CACNA2D3: variants seen among roughly 807,000 people sequenced by gnomAD.
The protein encoded by CACNA2D3 is calcium voltage-gated channel auxiliary subunit alpha2delta 3, also known as voltage-dependent calcium channel subunit alpha-2/delta-3.
CACNA2D3 carries 60 observed loss-of-function variants against 160.6 expected under a neutral mutation model. The observed-to-expected ratio is 0.37, with a 90% CI of 0.30 to 0.46. The LOEUF (loss-of-function observed/expected upper bound fraction) is 0.46, where lower values mean the gene tolerates loss of function less well. Ranked by LOEUF, CACNA2D3 falls within the 20% of genes least tolerant of loss-of-function variation. The pLI, the probability that CACNA2D3 is intolerant of heterozygous loss-of-function variation, is 1.00. For missense variants in CACNA2D3, 1,205 were observed against 1,365.0 expected, an observed-to-expected ratio of 0.88 and a Z score of 1.85; for synonymous variants, 558 against 492.9, an observed-to-expected ratio of 1.13 and a Z score of -1.75.
chr3:54,978,810 C>T lies in CACNA2D3; in HGVS notation c.2557-5798C>T, dbSNP rs560782437. Among the ~76,000 whole-genome samples the T allele has an allele frequency of 4.6e-3, 697 of 149,942 alleles. 4 individuals are homozygous for T. Among genetic ancestry groups the T allele is most frequent in the Non-Finnish European group, 7.9e-3 (531 of 67,512 alleles). ...TCACTGGTTGGTTCACAGGAATAAA[C>T]AGGGTTGGCCTAAATTACAGAAAAA... On this transcript the variant is annotated intron_variant, in intron 29 of 37. Coordinates refer to ENST00000474759, the MANE Select transcript of CACNA2D3 (RefSeq NM_018398.3).
At chr3:54,842,419 TA>T (rs1698838541) in intron 16 of CACNA2D3, among the ~76,000 whole-genome samples, 1 of 152,140 alleles carries the variant, frequency 6.6e-6, no homozygotes, top group African/African-American at 2.4e-5. Flanking sequence ...GGCAAATGTC[TA>T]AAATACACAA....
intron 2 of CACNA2D3, among the ~76,000 whole-genome samples, chr3:54,181,023 C>T (rs1402626149): frequency 6.6e-6 from 1 of 152,082 alleles, no homozygotes; most frequent in Non-Finnish European, 1.5e-5. Context: ...GGGTTCCTGC[C>T]CCCCACCATA....
chr3:54,626,707 A>AAAG, intron 9 of CACNA2D3: 7 of 703,738 alleles, frequency 9.9e-6, no homozygotes, highest in East Asian at 5.5e-5. Context: ...AAAAAAAAAA[A>AAAG]AAGAAAGAAA....
At chr3:54,833,008 T>C (rs139113817) in intron 14 of CACNA2D3, among the ~76,000 whole-genome samples, 1 of 152,172 alleles carries the variant, frequency 6.6e-6, no homozygotes, top group Non-Finnish European at 1.5e-5. Context: ...TATTAAGGAG[T>C]AGGCCTGGCA....
intron 5 of CACNA2D3, among the ~76,000 whole-genome samples, chr3:54,555,588 A>T (rs2106693797): frequency 6.6e-6 from 1 of 152,316 alleles, no homozygotes; most frequent in East Asian, 1.9e-4. Flanking sequence ...ACAAATTGTA[A>T]ATTTATCACA....
chr3:54,652,825 C>T (rs1399428343), intron 11 of CACNA2D3, among the ~76,000 whole-genome samples: 7 of 148,574 alleles, frequency 4.7e-5, no homozygotes, highest in African/African-American at 1.2e-4. Flanking sequence ...CTGTGTCACC[C>T]GGGCTGGAGT....
intron 5 of CACNA2D3, among the ~76,000 whole-genome samples, chr3:54,538,729 G>A (rs760163888): frequency 1.3e-5 from 2 of 152,108 alleles, no homozygotes; most frequent in Non-Finnish European, 2.9e-5. Flanking sequence ...GCAAAGATGC[G>A]GAGAATTATG....
intron 14 of CACNA2D3, among the ~76,000 whole-genome samples, chr3:54,834,971 GA>G (rs1698641986): frequency 6.6e-6 from 1 of 152,210 alleles, no homozygotes; most frequent in Non-Finnish European, 1.5e-5. Flanking sequence ...ACATTATGGA[GA>G]ATAATCTGCT....
intron 11 of CACNA2D3, among the ~76,000 whole-genome samples, chr3:54,690,307 A>G (rs1014770210): frequency 6.6e-6 from 1 of 152,114 alleles, no homozygotes; most frequent in African/African-American, 2.4e-5. Context: ...TTCCCATAGT[A>G]ATTTTCCTTA....
intron 18 of CACNA2D3, 66 bp from the exon 19 acceptor site, chr3:54,878,952 T>C: frequency 2.0e-6 from 2 of 984,502 alleles, no homozygotes; most frequent in Admixed American, 2.6e-5. Flanking sequence ...ACGCTGAGGA[T>C]GCAAGATGTC....
At chr3:54,319,209 C>T (rs1050692097) in intron 2 of CACNA2D3, among the ~76,000 whole-genome samples, 14 of 149,380 alleles carry the variant, frequency 9.4e-5, no homozygotes, top group African/African-American at 1.5e-4. Context: ...CACCCTTCCT[C>T]GAGTCAAGGA....
chr3:54,431,290 T>C (rs995179479), intron 4 of CACNA2D3, among the ~76,000 whole-genome samples: 8 of 151,072 alleles, frequency 5.3e-5, no homozygotes, highest in African/African-American at 1.9e-4. Context: ...TGAGCTGAGA[T>C]TGTGTACAGC....
chr3:54,775,494 A>AG (rs1332127182), intron 13 of CACNA2D3, among the ~76,000 whole-genome samples: 1 of 152,244 alleles, frequency 6.6e-6, no homozygotes, highest in African/African-American at 2.4e-5. Context: ...TGCACTGCAG[A>AG]GCCTAGGTAG....
chr3:54,797,503 A>G (rs1355285037), intron 13 of CACNA2D3, among the ~76,000 whole-genome samples: 2 of 152,196 alleles, frequency 1.3e-5, no homozygotes, highest in Non-Finnish European at 2.9e-5. Context: ...ATCTGAGGAC[A>G]GCATTTAAAG....
intron 11 of CACNA2D3, among the ~76,000 whole-genome samples, chr3:54,690,986 T>C (rs1700560171): frequency 6.6e-6 from 1 of 152,164 alleles, no homozygotes; most frequent in South Asian, 2.1e-4. Context: ...GGCCTACAAA[T>C]GGCAAGGAAG....
At chr3:54,201,654 A>C (rs997717461) in intron 2 of CACNA2D3, among the ~76,000 whole-genome samples, 1 of 152,252 alleles carries the variant, frequency 6.6e-6, no homozygotes, top group Non-Finnish European at 1.5e-5. Flanking sequence ...TTAAGAAAAT[A>C]AATGTAAGGA....
At chr3:54,831,754 A>G (rs990078086) in intron 14 of CACNA2D3, among the ~76,000 whole-genome samples, 1 of 152,084 alleles carries the variant, frequency 6.6e-6, no homozygotes, top group Admixed American at 6.5e-5. Flanking sequence ...TGGATTGTAC[A>G]TGGCACTTGG....
chr3:54,394,664 T>G (rs536120990), intron 4 of CACNA2D3, among the ~76,000 whole-genome samples: 5 of 116,050 alleles, frequency 4.3e-5, no homozygotes, highest in African/African-American at 1.4e-4. Flanking sequence ...TATGGCTGTA[T>G]AGTATTCCAT....
chr3:55,051,315 T>G lies in CACNA2D3; in HGVS notation c.2988-22130T>G, dbSNP rs576793264. ...TGTCCTTTCTGTTTGTTAGTTTTCC[T>G]TCTAACAGAGGGGACCCTCAGCTGC... On this transcript the variant is annotated intron_variant, in intron 35 of 37. Coordinates refer to ENST00000474759, the MANE Select transcript of CACNA2D3 (RefSeq NM_018398.3). Among the ~76,000 whole-genome samples the G allele has an allele frequency of 6.9e-4, 105 of 152,268 alleles. 1 individual carries two copies. The highest frequency in any genetic ancestry group is 2.2e-4 in the Non-Finnish European group (15 of 68,032).
Sources: gnomAD v4.1 joint callset for allele counts (sites outside exome capture counted in the v4.1 genomes callset) on GRCh38, gnomAD v4.1.1 for gene constraint, MANE v1.5 for transcripts, NCBI Gene and HGNC (gene_info 2026-07-23, HGNC 2026-07-21) for gene names.